Variants in PPM1L observed in about 807,000 individuals in gnomAD.
The protein encoded by PPM1L is protein phosphatase, Mg2+/Mn2+ dependent 1L.
PPM1L carries 13 observed loss-of-function variants against 31.4 expected under a neutral mutation model. That is an observed-to-expected ratio of 0.41 (90% CI 0.27 to 0.66). PPM1L has a LOEUF of 0.66. Among genes scored for constraint, PPM1L ranks in the 30% least tolerant of loss-of-function variants. The pLI is 0.29. For synonymous variants in PPM1L, 184 were observed against 175.4 expected (o/e 1.05, Z -0.39); for missense variants, 326 against 453.7 (o/e 0.72, Z 2.56).
At chr3:161,058,448 T>C (rs1719484879) in intron 2 of PPM1L, among the ~76,000 whole-genome samples, 1 of 152,064 alleles carries the variant, frequency 6.6e-6, no homozygotes, top group South Asian at 2.1e-4. Flanking sequence ...ATTACTAAAG[T>C]AACAATTTTG....
At position 161,074,924 on chromosome 3, in the gene PPM1L, C is replaced by G. The variant is rs182617071; in HGVS notation, c.*5767C>G. The G allele has an allele frequency of 6.6e-6, 1 of 152,232 alleles. No homozygotes were observed. Among genetic ancestry groups the G allele is most frequent in the African/African-American group, 2.4e-5 (1 of 41,540 alleles). 9.4% of individuals were successfully genotyped at this position (152,232 alleles called of 1,614,324 possible). The stretch of plus-strand genomic sequence containing the variant: ...ATGTGGTTTCATTTATTCTTGAAGT[C>G]CTATAACCTTGCATTATTTAAACAC... On this transcript the variant is annotated 3_prime_UTR_variant, in exon 4 of 4. Coordinates refer to ENST00000498165, the MANE Select transcript of PPM1L (RefSeq NM_139245.4).
chr3:160,944,610 C>T lies in PPM1L; in HGVS notation c.400-17126C>T, dbSNP rs541282915. On this transcript the variant is annotated intron_variant, in intron 1 of 3. Transcript: ENST00000498165. The stretch of plus-strand genomic sequence containing the variant: ...AATCAGAGCTATTTCAAGGTGAGGA[C>T]GATGATGTGCAGCTTATTTTTGTAC... Among the ~76,000 whole-genome samples the T allele has an allele frequency of 9.5e-5, 14 of 147,032 alleles. 1 individual carries two copies. The highest frequency in any genetic ancestry group is 2.5e-4 in the African/African-American group (10 of 40,338).
In PPM1L at chr3:160,756,274, G is replaced by A; in HGVS notation, c.-35G>A. 13 of 1,571,666 alleles carry A rather than the reference G, an allele frequency of 8.3e-6. No homozygotes were observed. The highest frequency in any genetic ancestry group is 1.1e-5 in the Non-Finnish European group (13 of 1,155,864). ...GACCCGGCGAGCCTTCGGGGCGCGC[G>A]TCGCTGGTGGTGGTTGAGGCTCTAG... is the stretch of plus-strand genomic sequence containing the variant. On this transcript the variant is annotated 5_prime_UTR_variant, in exon 1 of 4. Coordinates refer to ENST00000498165, the MANE Select transcript of PPM1L (RefSeq NM_139245.4). The surrounding 1 kb of genome is among the most constrained non-coding windows in gnomAD (Gnocchi z 6.2).
chr3:160,956,424 G>GGATA (rs1417113259), intron 1 of PPM1L, among the ~76,000 whole-genome samples: 1 of 152,190 alleles, frequency 6.6e-6, no homozygotes, highest in Non-Finnish European at 1.5e-5. Context: ...CAGCCATTTA[G>GGATA]GATATGTCTG....
rs1334282331 is a variant in PPM1L, at chr3:161,077,832, A to AAAC, written c.*8676_*8678dup. 6.6e-6 allele frequency: 1 copy of AAAC among 152,168 alleles called. No individual in the cohort carries two copies. The highest frequency in any genetic ancestry group is 6.5e-5 in the Admixed American group (1 of 15,284). The allele number at this position is 152,168 out of a possible 1,614,324, so 9.4% of individuals were successfully genotyped here. Reference sequence around the variant, plus strand: ...CATCTGTTTTCTGTATGGCAAAGAAAAACTAAATCCCAGACTTTTATTTTT... The same window carrying AAAC: ...CATCTGTTTTCTGTATGGCAAAGAAAAACAACTAAATCCCAGACTTTTATTTTT... On this transcript the variant is annotated 3_prime_UTR_variant, in exon 4 of 4. Coordinates refer to ENST00000498165, the MANE Select transcript of PPM1L (RefSeq NM_139245.4).
chr3:160,767,486 C>T (rs1047063668), intron 1 of PPM1L, among the ~76,000 whole-genome samples: 25 of 152,100 alleles, frequency 1.6e-4, no homozygotes, highest in African/African-American at 5.6e-4. Context: ...CCACCCGCCT[C>T]GGCCTCCCAA....
At chr3:161,025,640 A>G (rs1014360987) in intron 2 of PPM1L, among the ~76,000 whole-genome samples, 2 of 151,602 alleles carry the variant, frequency 1.3e-5, no homozygotes, top group African/African-American at 4.8e-5. Flanking sequence ...ATCTTCTACC[A>G]TGTGAGGACT....
At chr3:160,778,063 A>G (rs1294137809) in intron 1 of PPM1L, among the ~76,000 whole-genome samples, 1 of 152,068 alleles carries the variant, frequency 6.6e-6, no homozygotes, top group Non-Finnish European at 1.5e-5. Flanking sequence ...GCCATTTTTA[A>G]TGGCTGTGAT....
At chr3:160,814,991 G>A (rs1465471058) in intron 1 of PPM1L, among the ~76,000 whole-genome samples, 3 of 152,004 alleles carry the variant, frequency 2.0e-5, no homozygotes, top group Admixed American at 1.3e-4. Context: ...ATGGACTTTC[G>A]GGATTCAGGG....
At chr3:160,993,822 A>G (rs1280586417) in intron 2 of PPM1L, among the ~76,000 whole-genome samples, 6 of 152,116 alleles carry the variant, frequency 3.9e-5, no homozygotes, top group Non-Finnish European at 7.4e-5. Context: ...GTATATACAG[A>G]CAGACAGTGT....
intron 1 of PPM1L, among the ~76,000 whole-genome samples, chr3:160,926,112 T>C (rs1210561589): frequency 6.6e-6 from 1 of 152,162 alleles, no homozygotes; most frequent in African/African-American, 2.4e-5. Flanking sequence ...CAGGAACCTA[T>C]GTAAATACAG....
At chr3:160,775,068 T>C (rs963687468) in intron 1 of PPM1L, among the ~76,000 whole-genome samples, 10 of 152,244 alleles carry the variant, frequency 6.6e-5, no homozygotes, top group Admixed American at 3.9e-4. Context: ...GTCTGCAATG[T>C]GCCAGGTACT....
intron 1 of PPM1L, among the ~76,000 whole-genome samples, chr3:160,823,562 TTATA>T (rs1475719285): frequency 6.6e-6 from 1 of 152,116 alleles, no homozygotes; most frequent in Non-Finnish European, 1.5e-5. Context: ...TGATGATTCT[TTATA>T]AATTTCATTT....
At chr3:160,952,811 T>C (rs1715616462) in intron 1 of PPM1L, among the ~76,000 whole-genome samples, 2 of 152,236 alleles carry the variant, frequency 1.3e-5, no homozygotes, top group Admixed American at 1.3e-4. Context: ...AAGCCCTGTG[T>C]GTTTTTTAGG....
At chr3:160,803,058 G>A (rs548584373) in intron 1 of PPM1L, among the ~76,000 whole-genome samples, 1 of 152,298 alleles carries the variant, frequency 6.6e-6, no homozygotes, top group Admixed American at 6.5e-5. Flanking sequence ...TGGCCAGCTG[G>A]TCTGGCTGCA....
At chr3:160,912,379 C>T (rs551753592) in intron 1 of PPM1L, among the ~76,000 whole-genome samples, 48 of 152,350 alleles carry the variant, frequency 3.2e-4, no homozygotes, top group Admixed American at 2.9e-3. Flanking sequence ...TATATTATCA[C>T]ATCTAACTCT....
intron 1 of PPM1L, among the ~76,000 whole-genome samples, chr3:160,845,466 T>C (rs888033833): frequency 1.3e-5 from 2 of 152,072 alleles, no homozygotes; most frequent in African/African-American, 4.8e-5. Flanking sequence ...CTTGATGATA[T>C]CATTTGTAGC....
chr3:160,835,004 A>G (rs1211571119), intron 1 of PPM1L, among the ~76,000 whole-genome samples: 1 of 145,910 alleles, frequency 6.9e-6, no homozygotes, highest in Non-Finnish European at 1.5e-5. Flanking sequence ...AGAAACTGAC[A>G]ACCTATTACT....
At chr3:160,904,642 A>G (rs1473877441) in intron 1 of PPM1L, among the ~76,000 whole-genome samples, 1 of 152,066 alleles carries the variant, frequency 6.6e-6, no homozygotes, top group Non-Finnish European at 1.5e-5. Flanking sequence ...TACATTATTG[A>G]TAGCTGCACT....
Sources: gnomAD v4.1 joint callset for allele counts (sites outside exome capture counted in the v4.1 genomes callset) on GRCh38, gnomAD v4.1.1 for gene constraint, Gnocchi (gnomAD v3.1) non-coding constraint, MANE v1.5 for transcripts, NCBI Gene and HGNC (gene_info 2026-07-23, HGNC 2026-07-21) for gene names.